The following ZNF569 variants were observed in gnomAD, a reference collection of about 807,000 sequenced individuals.
The protein encoded by ZNF569 is DNA-binding protein.
Under a neutral mutation model 56.3 loss-of-function variants are expected in ZNF569, and 38 were observed. The observed-to-expected ratio is 0.68, with a 90% CI of 0.52 to 0.88. The LOEUF is 0.88. Ranked by LOEUF, ZNF569 falls within the 40% of genes least tolerant of loss-of-function variation. ZNF569 has a pLI of 0.00. For synonymous variants in ZNF569, 241 were observed against 262.9 expected, an observed-to-expected ratio of 0.92 and a Z score of 0.81; for missense variants, 666 against 809.2, an observed-to-expected ratio of 0.82 and a Z score of 2.15.
chr19:37,431,555 T>G (rs1332891553), intron 3 of ZNF569: 1 of 152,476 alleles, frequency 6.6e-6, no homozygotes, highest in Non-Finnish European at 1.5e-5. Context: ...CAGGTAGTAC[T>G]CACCATGGGC....
intron 2 of ZNF569, among the ~76,000 whole-genome samples, chr19:37,459,980 T>C (rs2041731405): frequency 1.3e-5 from 2 of 151,758 alleles, no homozygotes; most frequent in Non-Finnish European, 2.9e-5. Context: ...GGAGATAAAA[T>C]GAAATAATAT....
upstream of ZNF569, chr19:37,468,115 C>T: frequency 1.6e-6 from 1 of 629,730 alleles, no homozygotes; most frequent in East Asian, 2.8e-5. Flanking sequence ...GGCAGAGCCT[C>T]ACTTTGTTGC....
At chr19:37,462,606 T>C (rs2041772939) in intron 2 of ZNF569, among the ~76,000 whole-genome samples, 1 of 152,198 alleles carries the variant, frequency 6.6e-6, no homozygotes, top group Non-Finnish European at 1.5e-5. Flanking sequence ...ACACAGTTCT[T>C]GTTAAAACAC....
intron 3 of ZNF569, among the ~76,000 whole-genome samples, chr19:37,435,292 T>C (rs1166303286): frequency 2.0e-5 from 3 of 152,104 alleles, no homozygotes; most frequent in Non-Finnish European, 4.4e-5. Context: ...GCAAGCCTCA[T>C]GGCAACCTCA....
chr19:37,421,494 A>G (rs2041035145), intron 5 of ZNF569, among the ~76,000 whole-genome samples: 1 of 152,048 alleles, frequency 6.6e-6, no homozygotes, highest in South Asian at 2.1e-4. Flanking sequence ...TGTTATGGAG[A>G]TGGCTCTTTC....
chr19:37,421,365 T>C (rs1275692824), intron 5 of ZNF569, among the ~76,000 whole-genome samples: 1 of 152,264 alleles, frequency 6.6e-6, no homozygotes, highest in Admixed American at 6.5e-5. Flanking sequence ...AGAAGGCTGT[T>C]GCATCTACAT....
At chr19:37,434,162 T>C (rs1021347069) in intron 3 of ZNF569, among the ~76,000 whole-genome samples, 3 of 151,818 alleles carry the variant, frequency 2.0e-5, no homozygotes, top group East Asian at 1.9e-4. Context: ...TAGCTAGGCA[T>C]GGTGGCACAT....
chr19:37,415,606 C>T (rs1436055851), intron 5 of ZNF569, among the ~76,000 whole-genome samples: 2 of 151,802 alleles, frequency 1.3e-5, no homozygotes, highest in Non-Finnish European at 2.9e-5. Flanking sequence ...CGCGGTGGCT[C>T]ATGCCTATAA....
intron 2 of ZNF569, among the ~76,000 whole-genome samples, chr19:37,450,756 G>T (rs924979201): frequency 6.6e-6 from 1 of 152,082 alleles, no homozygotes; most frequent in Non-Finnish European, 1.5e-5. Flanking sequence ...TCAGGTAAGA[G>T]CTTATCCATA....
intron 2 of ZNF569, among the ~76,000 whole-genome samples, chr19:37,459,855 A>C (rs540349119): frequency 2.0e-4 from 30 of 152,342 alleles, no homozygotes; most frequent in African/African-American, 6.5e-4. Context: ...CCTGCACTAC[A>C]TATGAAGCAG....
intron 2 of ZNF569, among the ~76,000 whole-genome samples, chr19:37,451,179 C>A (rs113157906): frequency 6.6e-6 from 1 of 152,002 alleles, no homozygotes; most frequent in South Asian, 2.1e-4. Context: ...GCAGGCAGAT[C>A]ACCTGAGGTC....
Position 37,413,915 on chromosome 19 carries a change from C to T in ZNF569, c.743G>A (p.Gly248Asp), listed in dbSNP as rs1250668592. 28 of 1,613,206 alleles carry T rather than the reference C, an allele frequency of 1.7e-5. No homozygotes were observed. The highest frequency in any genetic ancestry group is 2.7e-5 in the African/African-American group (2 of 74,894). The change falls in exon 6 of 6, where the codon GGT (glycine) becomes GAT (aspartate). Residue 248 changes from glycine to aspartate, a missense_variant. Physicochemically the swap from Gly to Asp is moderately conservative, Grantham distance 94 (BLOSUM62 -1). Coordinates refer to ENST00000316950, the MANE Select transcript of ZNF569 (RefSeq NM_152484.3). Reference protein sequence around the residue: ...REQSYKCNECGKAFIKMSNLI... With the variant: ...REQSYKCNECDKAFIKMSNLI... Reference sequence around the variant, plus strand: ...ATTTGACATTTTAATGAAAGCTTTACCACATTCATTACATTTGTAAGACTG... The same window carrying T: ...ATTTGACATTTTAATGAAAGCTTTATCACATTCATTACATTTGTAAGACTG...
intron 5 of ZNF569, among the ~76,000 whole-genome samples, chr19:37,415,260 T>A (rs563848670): frequency 6.6e-6 from 1 of 152,214 alleles, no homozygotes; most frequent in African/African-American, 2.4e-5. Flanking sequence ...ATAGAAAGTA[T>A]ATTACTATAA....
At chr19:37,467,969 G>A, upstream of ZNF569, 2 of 1,534,960 alleles carry the variant, frequency 1.3e-6, no homozygotes, top group Non-Finnish European at 1.7e-6. Flanking sequence ...CCGGGATCGT[G>A]AGCGAAAAGT....
In ZNF569 at chr19:37,444,980, A is replaced by C. The variant is rs767890286; in HGVS notation, c.-43-16T>G. ...AGAAGTAGAGCTGGGGAAGAGAATA[A>C]AAGTCATTAAAATAGGCCTGTCTTT... On this transcript the variant is annotated splice_polypyrimidine_tract_variant and intron_variant, in intron 2 of 5. Coordinates refer to ENST00000316950, the MANE Select transcript of ZNF569 (RefSeq NM_152484.3). 31 of 1,590,634 alleles carry C rather than the reference A, an allele frequency of 1.9e-5. No individual in the cohort carries two copies. In the Admixed American group the frequency reaches 4.8e-4, roughly 24 times the overall value.
intron 5 of ZNF569, among the ~76,000 whole-genome samples, chr19:37,424,355 T>A (rs1016851220): frequency 6.6e-6 from 1 of 151,454 alleles, no homozygotes; most frequent in Non-Finnish European, 1.5e-5. Context: ...AGAATGAATA[T>A]CAAAGTAAGC....
chr19:37,426,411 C>A, intron 3 of ZNF569, 33 bp from the exon 4 acceptor site: 1 of 1,559,954 alleles, frequency 6.4e-7, no homozygotes, highest in South Asian at 1.2e-5. Flanking sequence ...AATCTGAAGT[C>A]ATCCATCTTG....
intron 2 of ZNF569, among the ~76,000 whole-genome samples, chr19:37,451,273 A>G (rs1032059221): frequency 1.3e-5 from 2 of 151,782 alleles, no homozygotes; most frequent in South Asian, 4.2e-4. Context: ...GGTGGTGGAC[A>G]CCTGTAATCT....
At chr19:37,427,018 T>C (rs1252803341) in intron 3 of ZNF569, among the ~76,000 whole-genome samples, 2 of 152,178 alleles carry the variant, frequency 1.3e-5, no homozygotes, top group African/African-American at 2.4e-5. Context: ...ACTGTGTATT[T>C]AAAAAGCTGT....
Sources: gnomAD v4.1 joint callset for allele counts (sites outside exome capture counted in the v4.1 genomes callset) on GRCh38, gnomAD v4.1.1 for gene constraint, MANE v1.5 for transcripts, NCBI Gene and HGNC (gene_info 2026-07-23, HGNC 2026-07-21) for gene names.